The following RYR2 variants were observed in gnomAD, a reference collection of about 807,000 sequenced individuals.
The protein encoded by RYR2 is cardiac muscle ryanodine receptor-calcium release channel.
In RYR2, 227 loss-of-function variants were observed where a neutral mutation model predicts 601.1. The ratio of observed to expected loss-of-function variants is 0.38; its 90% CI spans 0.34 to 0.42. The LOEUF is 0.42. Among genes scored for constraint, RYR2 ranks in the 10% least tolerant of loss-of-function variants. The probability of loss-of-function intolerance (pLI) is 1.00; values close to 1 mark genes in which losing one functional copy is unlikely to be tolerated. For missense variants in RYR2, 4,646 were observed against 6,156.5 expected (o/e 0.75, Z 8.21); for synonymous variants, 2,223 against 2,175.1 (o/e 1.02, Z -0.61).
At chr1:237,746,707 C>T (rs1203178546) in intron 80 of RYR2, among the ~76,000 whole-genome samples, 1 of 152,050 alleles carries the variant, frequency 6.6e-6, no homozygotes, top group Non-Finnish European at 1.5e-5. Context: ...TTTGGAGCTA[C>T]TTCTCTATCA....
intron 12 of RYR2, among the ~76,000 whole-genome samples, chr1:237,437,555 C>T (rs1707524732): frequency 1.3e-5 from 2 of 152,072 alleles, no homozygotes; most frequent in Admixed American, 1.3e-4. Context: ...CTGGAGGAAT[C>T]AGACATATGA....
intron 29 of RYR2, 95 bp downstream of exon 29, chr1:237,569,414 A>T (rs1672431924): frequency 8.3e-7 from 1 of 1,208,154 alleles, no homozygotes; most frequent in African/African-American, 1.5e-5. Context: ...TTTCAGGGTG[A>T]GTGAGCAGAT....
At chr1:237,762,148 A>G (rs554400270) in intron 84 of RYR2, among the ~76,000 whole-genome samples, 6 of 152,326 alleles carry the variant, frequency 3.9e-5, no homozygotes, top group African/African-American at 1.4e-4. Context: ...AATAAGTCAT[A>G]TGGTTACTAA....
chr1:237,744,948 C>T (rs1337826737), intron 80 of RYR2, among the ~76,000 whole-genome samples: 1 of 151,688 alleles, frequency 6.6e-6, no homozygotes, highest in Non-Finnish European at 1.5e-5. Context: ...AGTGGCGCGC[C>T]ACCACGCCCG....
chr1:237,209,384 A>G (rs1682303949), intron 1 of RYR2, among the ~76,000 whole-genome samples: 1 of 152,106 alleles, frequency 6.6e-6, no homozygotes. Context: ...CAGATAAATG[A>G]TATAACAGGT....
intron 4 of RYR2, among the ~76,000 whole-genome samples, chr1:237,361,101 C>A (rs1308406539): frequency 6.6e-6 from 1 of 152,160 alleles, no homozygotes; most frequent in Non-Finnish European, 1.5e-5. Flanking sequence ...CCTGGCCTCC[C>A]AAAGTGCTGG....
intron 29 of RYR2, among the ~76,000 whole-genome samples, chr1:237,584,042 C>G (rs1022491506): frequency 1.3e-5 from 2 of 152,188 alleles, no homozygotes; most frequent in South Asian, 2.1e-4. Context: ...AATTTAAGAT[C>G]CACTGCCAGA....
At chr1:237,460,352 A>G (rs1185865211) in intron 16 of RYR2, among the ~76,000 whole-genome samples, 1 of 152,186 alleles carries the variant, frequency 6.6e-6, no homozygotes, top group African/African-American at 2.4e-5. Context: ...AATTTTACCA[A>G]CATTGGTCTT....
At chr1:237,063,244 T>C (rs1663106913) in intron 1 of RYR2, among the ~76,000 whole-genome samples, 1 of 152,202 alleles carries the variant, frequency 6.6e-6, no homozygotes, top group Non-Finnish European at 1.5e-5. Flanking sequence ...CTTCCCAGCC[T>C]CCAGAATGGT....
At chr1:237,798,801 C>CACACAT (rs3835529) in intron 97 of RYR2, among the ~76,000 whole-genome samples, 1,962 of 148,372 alleles carry the variant, frequency 0.013, 25 homozygotes, top group African/African-American at 0.03. Context: ...CACACACACA[C>CACACAT]ATATAGTGTG....
intron 24 of RYR2, among the ~76,000 whole-genome samples, chr1:237,519,433 C>G (rs1453464050): frequency 1.3e-5 from 2 of 152,122 alleles, no homozygotes; most frequent in East Asian, 3.9e-4. Flanking sequence ...TAAGTCTTAA[C>G]CCATCTTGAG....
chr1:237,529,405 C>T (rs1294068221), intron 24 of RYR2, among the ~76,000 whole-genome samples: 1 of 151,824 alleles, frequency 6.6e-6, no homozygotes, highest in Admixed American at 6.6e-5. Context: ...GATAGATACC[C>T]ATATGTATAA....
At chr1:237,535,818 A>G (rs931198564) in intron 25 of RYR2, among the ~76,000 whole-genome samples, 1 of 152,226 alleles carries the variant, frequency 6.6e-6, no homozygotes, top group Non-Finnish European at 1.5e-5. Context: ...TTGATGCTTA[A>G]TAAAGACGAA....
intron 1 of RYR2, among the ~76,000 whole-genome samples, chr1:237,252,009 C>T (rs971233860): frequency 5.3e-5 from 8 of 152,094 alleles, no homozygotes; most frequent in African/African-American, 1.7e-4. Flanking sequence ...GGCACTTCCA[C>T]AGGTCACACC....
chr1:237,730,963 T>C (rs993342944), intron 77 of RYR2, among the ~76,000 whole-genome samples: 2 of 152,158 alleles, frequency 1.3e-5, no homozygotes, highest in African/African-American at 4.8e-5. Context: ...ACAAGCCATC[T>C]CAAAACTTGG....
intron 79 of RYR2, among the ~76,000 whole-genome samples, chr1:237,740,097 ACTGT>A (rs1233202173): frequency 2.6e-5 from 4 of 152,190 alleles, no homozygotes; most frequent in African/African-American, 7.2e-5. Flanking sequence ...CTGCTACAGG[ACTGT>A]CTAATATAAC....
At chr1:237,133,666 C>T (rs572313134) in intron 1 of RYR2, among the ~76,000 whole-genome samples, 60 of 152,180 alleles carry the variant, frequency 3.9e-4, no homozygotes, top group African/African-American at 1.3e-3. Context: ...AAGTGGGAGT[C>T]GGCCAGGCAT....
intron 29 of RYR2, among the ~76,000 whole-genome samples, chr1:237,578,685 GGTCTCTC>G (rs1673541628): frequency 1.3e-5 from 1 of 76,322 alleles, no homozygotes; most frequent in African/African-American, 5.2e-5. Context: ...GATTTGTTAA[GGTCTCTC>G]ACCCATTCTG....
At position 237,819,056 on chromosome 1, in the gene RYR2, T is replaced by C. The variant is rs762358943; in HGVS notation, c.14454T>C (p.Tyr4818=). The C allele has an allele frequency of 1.2e-6, 2 of 1,613,798 alleles. No homozygotes were observed. Among genetic ancestry groups the C allele is most frequent in the Non-Finnish European group, 1.7e-6 (2 of 1,179,772 alleles). ...DMLTCYMFHM[Y]VGVRAGGGIG... is the part of the protein sequence containing the mutation. The stretch of plus-strand genomic sequence containing the variant: ...TCCAGTGCTATATGTTCCACATGTA[T>C]GTTGGAGTTCGTGCTGGAGGAGGGA... Residue 4818 remains tyrosine (Y), a synonymous_variant, in exon 101 of 105, where the codon TAT becomes TAC. Transcript: ENST00000366574. This position sits in a 1 kb window ranked among gnomAD's most constrained non-coding sequence, Gnocchi z 4.0.
Sources: gnomAD v4.1 joint callset for allele counts (sites outside exome capture counted in the v4.1 genomes callset) on GRCh38, gnomAD v4.1.1 for gene constraint, Gnocchi (gnomAD v3.1) non-coding constraint, MANE v1.5 for transcripts, NCBI Gene and HGNC (gene_info 2026-07-23, HGNC 2026-07-21) for gene names.